ASNSD1: variants seen among roughly 807,000 people sequenced by gnomAD.
ASNSD1 encodes the protein asparagine synthetase domain containing 1, also known as asparagine synthetase domain-containing protein 1.
ASNSD1 carries 36 observed loss-of-function variants against 48.3 expected under a neutral mutation model. That is an observed-to-expected ratio of 0.75 (90% CI 0.57 to 0.99). The LOEUF is 0.99. Ranked by LOEUF, ASNSD1 falls within the 50% of genes least tolerant of loss-of-function variation. The probability of loss-of-function intolerance (pLI) is 0.00; values close to 1 mark genes in which losing one functional copy is unlikely to be tolerated. For missense variants in ASNSD1, 714 were observed against 758.2 expected, an observed-to-expected ratio of 0.94 and a Z score of 0.69; for synonymous variants, 257 against 262.1, an observed-to-expected ratio of 0.98 and a Z score of 0.19.
chr2:189,662,948 CAAAAAAA>C (rs67898532), intron 1 of ASNSD1, among the ~76,000 whole-genome samples: 1 of 77,002 alleles, frequency 1.3e-5, no homozygotes, highest in Non-Finnish European at 2.5e-5. Flanking sequence ...GACCCTGTTT[CAAAAAAA>C]AAAAAAAAAA....
Position 189,670,426 on chromosome 2 carries a change from A to G in ASNSD1, c.1647-15A>G. ...TTTATTTTTACATAGTGGTTATATT[A>G]TCTGTCTATTTTAGATTTCCTTTCC... On this transcript the variant is annotated splice_polypyrimidine_tract_variant and intron_variant, in intron 5 of 5. Coordinates refer to ENST00000260952, the MANE Select transcript of ASNSD1 (RefSeq NM_019048.4). 3.2e-6 allele frequency: 5 copies of G among 1,585,654 alleles called. No individual in the cohort carries two copies. Among genetic ancestry groups the G allele is most frequent in the Non-Finnish European group, 4.3e-6 (5 of 1,159,676 alleles).
Position 189,667,169 on chromosome 2 carries a change from A to G in ASNSD1, c.1037A>G (p.Asp346Gly). Residue 346 changes from aspartate to glycine, a missense_variant, in exon 4 of 6, where the codon GAT (aspartate) becomes GGT (glycine). Transcript: ENST00000260952. ...ATLADRHIPL[D>G]EPIDLLNVAF... Reference sequence around the variant, plus strand: ...CTTGCTGACCGTCATATTCCTTTAGATGAACCAATTGATCTTCTTAATGTA... The same window carrying G: ...CTTGCTGACCGTCATATTCCTTTAGGTGAACCAATTGATCTTCTTAATGTA... 1 of 1,614,242 alleles carries G rather than the reference A, an allele frequency of 6.2e-7. No individual in the cohort carries two copies. Among genetic ancestry groups the G allele is most frequent in the Non-Finnish European group, 8.5e-7 (1 of 1,180,038 alleles).
rs2032763448 is a variant in ASNSD1, at chr2:189,665,451, A to G, written c.-93A>G. 2.5e-6 allele frequency: 1 copy of G among 397,656 alleles called. No homozygotes were observed. Among genetic ancestry groups the G allele is most frequent in the African/African-American group, 2.1e-5 (1 of 48,408 alleles). The allele number at this position is 397,656 out of a possible 1,614,324, so 24.6% of individuals were successfully genotyped here. On this transcript the variant is annotated splice_region_variant and 5_prime_UTR_variant, in exon 3 of 6. Coordinates refer to ENST00000260952, the MANE Select transcript of ASNSD1 (RefSeq NM_019048.4). ...AACAGAAATGCTGTCTGAGAGCAAGAGTAAGTTTTTTCTTTTTTGGGGTTT... is the reference window on the plus strand; with the variant it reads ...AACAGAAATGCTGTCTGAGAGCAAGGGTAAGTTTTTTCTTTTTTGGGGTTT...
Position 189,666,536 on chromosome 2 carries a change from G to C in ASNSD1, c.404G>C (p.Arg135Thr), listed in dbSNP as rs1272446346. The change falls in exon 4 of 6, where the codon AGG (arginine) becomes ACG (threonine). Residue 135 changes from arginine to threonine, a missense_variant. Transcript: ENST00000260952. Reference protein sequence around the residue: ...QASSHYLWFGRDFFGRRSLLW... With the variant: ...QASSHYLWFGTDFFGRRSLLW... ...TCTAGTCATTATTTATGGTTTGGTA[G>C]GGATTTTTTTGGTCGCCGTAGCTTG... is the stretch of plus-strand genomic sequence containing the variant. The C allele has an allele frequency of 1.9e-6, 3 of 1,613,884 alleles. No individual in the cohort carries two copies. In the Admixed American group the frequency reaches 5.0e-5, roughly 27 times the overall value.
Position 189,665,638 on chromosome 2 carries a change from A to ATGTG in ASNSD1, c.-93+188_-93+189insGTGT, listed in dbSNP as rs2032783348. On this transcript the variant is annotated intron_variant, in intron 3 of 5. Coordinates refer to ENST00000260952, the MANE Select transcript of ASNSD1 (RefSeq NM_019048.4). ...TATATATATATATATATATATATAT[A>ATGTG]TATATATATTATAAATGTTTTAGAA... 2.0e-4 allele frequency among the ~76,000 whole-genome samples: 23 copies of ATGTG among 114,898 alleles called. 1 individual carries two copies. The highest frequency in any genetic ancestry group is 9.7e-4 in the Admixed American group (10 of 10,270). The allele number at this position is 114,898 out of a possible 152,430, so 75.4% of individuals were successfully genotyped here.
intron 1 of ASNSD1, among the ~76,000 whole-genome samples, chr2:189,663,166 T>A (rs184959855): frequency 2.6e-4 from 39 of 151,996 alleles, no homozygotes; most frequent in South Asian, 4.1e-4. Flanking sequence ...TGCTTTTTTT[T>A]AAATCTAAAT....
chr2:189,667,630 T>G (rs1413653705), intron 4 of ASNSD1, 34 bp downstream of exon 4: 1 of 1,556,782 alleles, frequency 6.4e-7, no homozygotes, highest in Non-Finnish European at 8.7e-7. Flanking sequence ...TGAGAATTCC[T>G]GAGACCTATT....
At chr2:189,663,263 A>T (rs554280597) in intron 1 of ASNSD1, among the ~76,000 whole-genome samples, 108 of 150,536 alleles carry the variant, frequency 7.2e-4, no homozygotes, top group East Asian at 2.0e-3. Context: ...TTATTTATTT[A>T]TTTTTTTGAG....
rs1328892880 is a variant in ASNSD1, at chr2:189,666,667, T to C, written c.535T>C (p.Phe179Leu). ...GCAAGAAGTTCCAGCATCTGGACTT[T>C]TCAGAATTGATCTTAAGTCTACTGT... ...QWQEVPASGL[F>L]RIDLKSTVIS... Residue 179 changes from phenylalanine to leucine, a missense_variant, in exon 4 of 6, where the codon TTC (phenylalanine) becomes CTC (leucine). Physicochemically the swap from Phe to Leu is conservative, Grantham distance 22. Transcript: ENST00000260952. 6.2e-6 allele frequency: 10 copies of C among 1,614,012 alleles called. No individual in the cohort carries two copies. Among genetic ancestry groups the C allele is most frequent in the Non-Finnish European group, 8.5e-6 (10 of 1,179,876 alleles).
At chr2:189,663,996 AT>A in intron 2 of ASNSD1, 42 bp downstream of exon 2, 1 of 379,598 alleles carries the variant, frequency 2.6e-6, no homozygotes, top group Non-Finnish European at 4.7e-6. Context: ...TGGGAGGTTT[AT>A]TTATGTTAAC....
intron 5 of ASNSD1, among the ~76,000 whole-genome samples, chr2:189,669,453 A>AT (rs1304629061): frequency 2.7e-5 from 4 of 147,796 alleles, no homozygotes; most frequent in Non-Finnish European, 2.9e-5. Context: ...GAATTGTGAT[A>AT]TAACAAATAT....
At chr2:189,667,708 T>G in intron 4 of ASNSD1, 56 bp from the exon 5 acceptor site, 6 of 1,547,370 alleles carry the variant, frequency 3.9e-6, no homozygotes, top group Non-Finnish European at 5.2e-6. Context: ...ATTTATCTTA[T>G]TTTCTTTACT....
chr2:189,663,453 A>T (rs2032716907), intron 1 of ASNSD1, among the ~76,000 whole-genome samples: 2 of 152,112 alleles, frequency 1.3e-5, no homozygotes, highest in East Asian at 3.9e-4. Flanking sequence ...GGGTGTCTGC[A>T]TGTTGGTCAG....
At position 189,664,772 on chromosome 2, in the gene ASNSD1, A is replaced by G. The variant is rs145546470; in HGVS notation, c.-168-604A>G. On this transcript the variant is annotated intron_variant, in intron 2 of 5. Transcript: ENST00000260952. ...AAAAAAAAAAAAAAGAAGTTGAGGC[A>G]GAATTAATACAGACTTTCTCTAGAG... Among the ~76,000 whole-genome samples the G allele has an allele frequency of 2.7e-3, 407 of 152,168 alleles. 2 individuals are homozygous for G. The highest frequency in any genetic ancestry group is 9.1e-3 in the African/African-American group (379 of 41,540).
chr2:189,666,084 C>CCAAGAA lies in ASNSD1; in HGVS notation c.-49_-48insCAAGAA. 6.7e-7 allele frequency: 1 copy of CCAAGAA among 1,482,196 alleles called. No individual in the cohort carries two copies. The allele number at this position is 1,482,196 out of a possible 1,614,324, so 91.8% of individuals were successfully genotyped here. Reference sequence around the variant, plus strand: ...AAAAAGAATACCAAGAAATAGAAAACTTAGACAAGACCAAAATCAAGAAAT... The same window carrying CCAAGAA: ...AAAAAGAATACCAAGAAATAGAAAACCAAGAATTAGACAAGACCAAAATCAAGAAAT... On this transcript the variant is annotated 5_prime_UTR_variant, in exon 4 of 6. Coordinates refer to ENST00000260952, the MANE Select transcript of ASNSD1 (RefSeq NM_019048.4).
At chr2:189,665,932 G>A (rs1034704280) in intron 3 of ASNSD1, 109 bp from the exon 4 acceptor site, 35 of 516,432 alleles carry the variant, frequency 6.8e-5, no homozygotes, top group Middle Eastern at 1.0e-3. Flanking sequence ...CAGTGTGTGT[G>A]TTTATATGGT....
chr2:189,663,410 C>T (rs1198598846), intron 1 of ASNSD1, among the ~76,000 whole-genome samples: 3 of 152,018 alleles, frequency 2.0e-5, no homozygotes, highest in African/African-American at 7.2e-5. Flanking sequence ...TGTGCCACTA[C>T]GCTTGGCTAA....
In ASNSD1 at chr2:189,670,792, G is replaced by A. The variant is rs2032910281; in HGVS notation, c.*66G>A. ...TAATTATATAAAAGTAAGATACTCT[G>A]CTGCTTTACTATTGTATAACATAGT... On this transcript the variant is annotated 3_prime_UTR_variant, in exon 6 of 6. Transcript: ENST00000260952. The A allele has an allele frequency of 8.7e-7, 1 of 1,153,524 alleles. No homozygotes were observed. Among genetic ancestry groups the A allele is most frequent in the Non-Finnish European group, 1.2e-6 (1 of 866,854 alleles). 71.5% of individuals were successfully genotyped at this position (1,153,524 alleles called of 1,614,324 possible). A position where few individuals can be genotyped will look rare whatever the true frequency, so the allele number is the denominator to read the frequency against.
rs753403228 is a variant in ASNSD1, at chr2:189,667,825, G to A, written c.1526G>A (p.Arg509His). Residue 509 changes from arginine (R) to histidine (H), a missense_variant, in exon 5 of 6, where the codon CGC (arginine) becomes CAC (histidine). Physicochemically the swap from Arg to His is conservative, Grantham distance 29. Transcript: ENST00000260952. ...GCAGGTTATTCTCGTCATCGTGTCC[G>A]CTTTCAGTCGCATGGGCTGGAAGGA... ...QLAGYSRHRV[R>H]FQSHGLEGLN... is the part of the protein sequence containing the mutation. 1.2e-5 allele frequency: 20 copies of A among 1,613,908 alleles called. No individual in the cohort carries two copies. The highest frequency in any genetic ancestry group is 1.6e-4 in the Middle Eastern group (1 of 6,084).
Sources: gnomAD v4.1 joint callset for allele counts (sites outside exome capture counted in the v4.1 genomes callset) on GRCh38, gnomAD v4.1.1 for gene constraint, MANE v1.5 for transcripts, NCBI Gene and HGNC (gene_info 2026-07-23, HGNC 2026-07-21) for gene names.